The following ETFDH variants were observed in gnomAD, a reference collection of about 807,000 sequenced individuals.
ETFDH encodes electron transfer flavoprotein-ubiquinone oxidoreductase, mitochondrial.
Under a neutral mutation model 73.2 loss-of-function variants are expected in ETFDH, and 61 were observed. That is an observed-to-expected ratio of 0.83 (90% CI 0.68 to 1.03). The LOEUF is 1.03. Ranked by LOEUF, ETFDH falls within the 50% of genes least tolerant of loss-of-function variation. The pLI, the probability that ETFDH is intolerant of heterozygous loss-of-function variation, is 0.00. For synonymous variants in ETFDH, 243 were observed against 253.3 expected, an observed-to-expected ratio of 0.96 and a Z score of 0.39; for missense variants, 685 against 745.0, an observed-to-expected ratio of 0.92 and a Z score of 0.94.
In ETFDH at chr4:158,708,496, G is replaced by A. The variant is rs1303489545; in HGVS notation, c.1823G>A (p.Gly608Asp). ...SQNINWVVPEGGGGPAYNGM is the reference protein window; with the variant it reads ...SQNINWVVPEDGGGPAYNGM ...AATATTAACTGGGTGGTACCTGAAG[G>A]TGGAGGAGGACCTGCTTACAATGGA... The change falls in exon 13 of 13, where the codon GGT (glycine) becomes GAT (aspartate). Residue 608 changes from glycine (G) to aspartate (D), a missense_variant. Physicochemically the swap from Gly to Asp is moderately conservative, Grantham distance 94 (BLOSUM62 -1). Transcript: ENST00000511912. 5.0e-6 allele frequency: 8 copies of A among 1,613,626 alleles called. No homozygotes were observed. In the East Asian group the frequency reaches 1.1e-4, roughly 22 times the overall value.
chr4:158,673,513 T>C (rs886359673), intron 1 of ETFDH, among the ~76,000 whole-genome samples: 20 of 152,244 alleles, frequency 1.3e-4, no homozygotes, highest in African/African-American at 4.8e-4. Flanking sequence ...ACTTAAGTTT[T>C]GGTGATAGAA....
intron 12 of ETFDH, among the ~76,000 whole-genome samples, chr4:158,707,992 TGACA>T (rs1319978728): frequency 3.3e-5 from 5 of 152,200 alleles, no homozygotes; most frequent in Non-Finnish European, 5.9e-5. Context: ...GTGTTCTGAC[TGACA>T]ATGTAAGTTG....
At chr4:158,680,352 A>G in intron 1 of ETFDH, 115 bp from the exon 2 acceptor site, 3 of 680,318 alleles carry the variant, frequency 4.4e-6, no homozygotes, top group South Asian at 1.8e-5. Context: ...CACCTAGGAA[A>G]GATTATAGTA....
chr4:158,703,393 CA>C (rs1236835271), intron 9 of ETFDH, 29 bp from the exon 10 acceptor site: 1 of 1,524,222 alleles, frequency 6.6e-7, no homozygotes, highest in Admixed American at 1.7e-5. Context: ...TATGAACTAA[CA>C]AATGTATTCT....
chr4:158,699,714 T>G (rs1054947261), intron 9 of ETFDH, among the ~76,000 whole-genome samples: 1 of 152,216 alleles, frequency 6.6e-6, no homozygotes, highest in African/African-American at 2.4e-5. Context: ...AAAGGCAAAT[T>G]TAGTTTTCAG....
At chr4:158,698,876 T>C (rs1774381885) in intron 8 of ETFDH, 111 bp from the exon 9 acceptor site, 3 of 757,270 alleles carry the variant, frequency 4.0e-6, no homozygotes, top group Non-Finnish European at 4.5e-6. Context: ...CCAAATACTT[T>C]TGAGTAAAAG....
intron 6 of ETFDH, among the ~76,000 whole-genome samples, chr4:158,693,570 A>C (rs1371157385): frequency 1.3e-5 from 2 of 152,196 alleles, no homozygotes; most frequent in Non-Finnish European, 2.9e-5. Context: ...TGGGGAAACT[A>C]TATCCATCTG....
At position 158,672,408 on chromosome 4, in the gene ETFDH, C is replaced by T. The variant is rs1476236147; in HGVS notation, c.-49C>T. The T allele has an allele frequency of 1.9e-6, 3 of 1,608,512 alleles. No homozygotes were observed. Among genetic ancestry groups the T allele is most frequent in the African/African-American group, 2.7e-5 (2 of 74,826 alleles). The stretch of plus-strand genomic sequence containing the variant: ...GAGGTCCAGCGCCCGCCGCGAGCAG[C>T]GGACAGTCCTCCTGTTGTGTCCGAC... On this transcript the variant is annotated 5_prime_UTR_variant, in exon 1 of 13. Coordinates refer to ENST00000511912, the MANE Select transcript of ETFDH (RefSeq NM_004453.4).
intron 1 of ETFDH, among the ~76,000 whole-genome samples, chr4:158,678,279 G>A (rs1773760776): frequency 1.3e-5 from 2 of 152,136 alleles, no homozygotes; most frequent in South Asian, 4.1e-4. Context: ...CAGTTCCTCT[G>A]TCTTTTCTTG....
At position 158,684,975 on chromosome 4, in the gene ETFDH, A is replaced by C. The variant is rs1041735638; in HGVS notation, c.488-126A>C. 7 of 668,876 alleles carry C rather than the reference A, an allele frequency of 1.0e-5. No individual in the cohort carries two copies. In the African/African-American group the frequency reaches 1.3e-4, roughly 12 times the overall value. The allele number at this position is 668,876 out of a possible 1,614,324, so 41.4% of individuals were successfully genotyped here. Reference sequence around the variant, plus strand: ...GACCAAAATTGTAGAAAATAAGTTGAAAGTGTGACCATCAATGTAGCACTT... The same window carrying C: ...GACCAAAATTGTAGAAAATAAGTTGCAAGTGTGACCATCAATGTAGCACTT... On this transcript the variant is annotated intron_variant, in intron 4 of 12. Coordinates refer to ENST00000511912, the MANE Select transcript of ETFDH (RefSeq NM_004453.4).
rs752140605 is a variant in ETFDH, at chr4:158,708,532, C to T, written c.*5C>T. 5 of 1,609,700 alleles carry T rather than the reference C, an allele frequency of 3.1e-6. No homozygotes were observed. The Admixed American group carries it at 6.7e-5, about 21-fold the overall frequency. On this transcript the variant is annotated 3_prime_UTR_variant, in exon 13 of 13. Transcript: ENST00000511912. ...CCTGCTTACAATGGAATGTAAACTG[C>T]AGCTAGCCAGTTTCTTTCAAGTATG...
intron 8 of ETFDH, among the ~76,000 whole-genome samples, chr4:158,697,928 C>CTGAGA (rs1474789277): frequency 1.3e-5 from 2 of 152,174 alleles, no homozygotes; most frequent in African/African-American, 4.8e-5. Flanking sequence ...GGATGCTTTT[C>CTGAGA]TGAGATTTCT....
chr4:158,690,504 C>T, intron 6 of ETFDH, 79 bp downstream of exon 6: 4 of 894,674 alleles, frequency 4.5e-6, no homozygotes, highest in Non-Finnish European at 1.9e-6. Flanking sequence ...AGTGAAACCC[C>T]ATCTCTCCAA....
At chr4:158,706,460 T>C in intron 11 of ETFDH, 89 bp downstream of exon 11, 1 of 1,222,752 alleles carries the variant, frequency 8.2e-7, no homozygotes, top group South Asian at 1.2e-5. Flanking sequence ...TTTAATGTTT[T>C]CAACTTGGAG....
rs181931076 is a variant in ETFDH at position 158,697,349 on chromosome 4, C to G, written c.832-210C>G. Reference sequence around the variant, plus strand: ...ACCTCAAGTGATCTGCCCACCTCAGCCTCCCAAAGTGCTAGGATTGCAGGC... The same window carrying G: ...ACCTCAAGTGATCTGCCCACCTCAGGCTCCCAAAGTGCTAGGATTGCAGGC... On this transcript the variant is annotated intron_variant, in intron 7 of 12. Coordinates refer to ENST00000511912, the MANE Select transcript of ETFDH (RefSeq NM_004453.4). Among the ~76,000 whole-genome samples the G allele has an allele frequency of 9.2e-5, 14 of 152,304 alleles. No homozygotes were observed. The East Asian group carries it at 1.9e-3, about 21-fold the overall frequency.
At chr4:158,698,327 G>T (rs539620596) in intron 8 of ETFDH, among the ~76,000 whole-genome samples, 1 of 152,226 alleles carries the variant, frequency 6.6e-6, no homozygotes, top group South Asian at 2.1e-4. Flanking sequence ...TGTGTTACTG[G>T]TGTTTTTTGA....
chr4:158,696,201 C>T (rs924025903), intron 7 of ETFDH, among the ~76,000 whole-genome samples: 1 of 152,138 alleles, frequency 6.6e-6, no homozygotes, highest in Non-Finnish European at 1.5e-5. Context: ...CATTATAACC[C>T]TTTTGCTTAA....
chr4:158,706,888 A>G, intron 12 of ETFDH, 38 bp downstream of exon 12: 2 of 1,319,856 alleles, frequency 1.5e-6, no homozygotes, highest in African/African-American at 2.9e-5. Context: ...TTTGCTTTAA[A>G]CATTTTAGGA....
intron 9 of ETFDH, 132 bp from the exon 10 acceptor site, chr4:158,703,291 C>T (rs1774513847): frequency 1.4e-6 from 1 of 700,922 alleles, no homozygotes; most frequent in Non-Finnish European, 2.5e-6. Flanking sequence ...TTCCTTTGCT[C>T]AATTCATTTT....
Sources: gnomAD v4.1 joint callset for allele counts (sites outside exome capture counted in the v4.1 genomes callset) on GRCh38, gnomAD v4.1.1 for gene constraint, MANE v1.5 for transcripts, NCBI Gene and HGNC (gene_info 2026-07-23, HGNC 2026-07-21) for gene names.